Variants in ATP10B observed in about 807,000 individuals in gnomAD.
The protein encoded by ATP10B is phospholipid-transporting ATPase VB.
Under a neutral mutation model 141.2 loss-of-function variants are expected in ATP10B, and 122 were observed. The ratio of observed to expected loss-of-function variants is 0.86; its 90% CI spans 0.75 to 1.00. The LOEUF (loss-of-function observed/expected upper bound fraction) is 1.00. ATP10B is among the 50% of genes least tolerant of loss of function. The pLI, the probability that ATP10B is intolerant of heterozygous loss-of-function variation, is 0.00. For synonymous variants in ATP10B, 685 were observed against 692.0 expected, an observed-to-expected ratio of 0.99 and a Z score of 0.16; for missense variants, 1,876 against 1,825.3, an observed-to-expected ratio of 1.03 and a Z score of -0.51.
chr5:160,847,116 T>C (rs1036610711), intron 1 of ATP10B, among the ~76,000 whole-genome samples: 1 of 152,194 alleles, frequency 6.6e-6, no homozygotes, highest in Non-Finnish European at 1.5e-5. Flanking sequence ...AAGAGAGTAA[T>C]TTGAACTGTT....
chr5:160,644,344 C>T, intron 8 of ATP10B, 100 bp from the exon 9 acceptor site: 1 of 781,682 alleles, frequency 1.3e-6, no homozygotes, highest in Non-Finnish European at 2.3e-6. Context: ...AACATGATCC[C>T]TCTCCTCCCT....
intron 6 of ATP10B, among the ~76,000 whole-genome samples, chr5:160,679,040 G>A (rs1409321129): frequency 6.6e-6 from 1 of 152,200 alleles, no homozygotes; most frequent in Non-Finnish European, 1.5e-5. Context: ...ACTATTTAAA[G>A]ATGAAACACA....
chr5:160,759,233 A>G (rs1768854613), intron 2 of ATP10B, among the ~76,000 whole-genome samples: 1 of 152,172 alleles, frequency 6.6e-6, no homozygotes, highest in African/African-American at 2.4e-5. Flanking sequence ...ACCATTAAAT[A>G]TTTTGTATGC....
Position 160,835,901 on chromosome 5 carries a change from C to T in ATP10B, c.-576+16040G>A, listed in dbSNP as rs74878834. Among the ~76,000 whole-genome samples, 913 of 152,116 alleles carry T rather than the reference C, an allele frequency of 6.0e-3. 13 individuals carry two copies. The highest frequency in any genetic ancestry group is 0.021 in the African/African-American group (869 of 41,494). On this transcript the variant is annotated intron_variant, in intron 1 of 25. Coordinates refer to ENST00000327245, the MANE Select transcript of ATP10B (RefSeq NM_025153.3). ...TTGTTTATTTAATAAAATTTGTAAT[C>T]TTTTATAGGGCCCATTCTTCGAACT...
At chr5:160,607,748 T>C (rs1757476788) in intron 18 of ATP10B, among the ~76,000 whole-genome samples, 3 of 152,242 alleles carry the variant, frequency 2.0e-5, no homozygotes, top group Admixed American at 2.0e-4. Context: ...AATAAACTTA[T>C]TAATTTTTTT....
Position 160,634,544 on chromosome 5 carries a change from G to C in ATP10B, c.1191C>G (p.Phe397Leu). 1 of 1,614,180 alleles carries C rather than the reference G, an allele frequency of 6.2e-7. No individual in the cohort carries two copies. The highest frequency in any genetic ancestry group is 8.5e-7 in the Non-Finnish European group (1 of 1,180,014). ...IELVKLGQVF[F>L]LSNDLDLYDE... ...CATACAGGTCAAGGTCATTGCTCAA[G>C]AAGAACACTTGCCCGAGCTTCACCA... Residue 397 changes from phenylalanine to leucine, a missense_variant, in exon 12 of 26, where the codon TTC (phenylalanine) becomes TTG (leucine). Transcript: ENST00000327245.
At chr5:160,718,378 T>A (rs1241022776) in intron 2 of ATP10B, among the ~76,000 whole-genome samples, 3 of 152,228 alleles carry the variant, frequency 2.0e-5, no homozygotes, top group Non-Finnish European at 4.4e-5. Context: ...GTCAGACAAG[T>A]ATGGATTCCA....
chr5:160,727,809 A>G (rs1245332009), intron 2 of ATP10B, among the ~76,000 whole-genome samples: 1 of 152,198 alleles, frequency 6.6e-6, no homozygotes, highest in Admixed American at 6.5e-5. Flanking sequence ...TGTTACTAGC[A>G]TTATGCATTA....
Position 160,602,560 on chromosome 5 carries a change from C to T in ATP10B, c.3363+17G>A, listed in dbSNP as rs780470431. On this transcript the variant is annotated intron_variant, in intron 21 of 25. Coordinates refer to ENST00000327245, the MANE Select transcript of ATP10B (RefSeq NM_025153.3). Reference sequence around the variant, plus strand: ...CCTGCCAAAGCCCTGGGTGAGAGGACGCCATAGGCTACTTACCACGTTCTT... The same window carrying T: ...CCTGCCAAAGCCCTGGGTGAGAGGATGCCATAGGCTACTTACCACGTTCTT... 135 of 1,613,076 alleles carry T rather than the reference C, an allele frequency of 8.4e-5. No individual in the cohort carries two copies. Among genetic ancestry groups the T allele is most frequent in the Admixed American group, 7.0e-4 (42 of 59,990 alleles).
the ATP10B span, among the ~76,000 whole-genome samples, chr5:160,883,055 G>C: frequency 2.0e-5 from 3 of 152,140 alleles, no homozygotes; most frequent in Non-Finnish European, 4.4e-5. Context: ...ATCAAATATA[G>C]GAATGGGAAA....
chr5:160,662,309 T>C (rs1366956082), intron 7 of ATP10B, among the ~76,000 whole-genome samples: 1 of 152,160 alleles, frequency 6.6e-6, no homozygotes, highest in East Asian at 1.9e-4. Context: ...CAAGTTCATA[T>C]GGAACCAAAA....
chr5:160,855,407 T>C (rs1342834397), upstream of ATP10B, among the ~76,000 whole-genome samples: 3 of 152,048 alleles, frequency 2.0e-5, no homozygotes, highest in Non-Finnish European at 2.9e-5. Context: ...TATGTGCTTA[T>C]TTCTCAGTTA....
chr5:160,876,117 T>C, the ATP10B span, among the ~76,000 whole-genome samples: 3 of 62,292 alleles, frequency 4.8e-5, no homozygotes, highest in African/African-American at 1.1e-4. Context: ...TATTCCAAAA[T>C]TGACCACATA....
rs547231668 is a variant in ATP10B, at chr5:160,774,565, C to T, written c.-331+10994G>A. Among the ~76,000 whole-genome samples, 174 of 152,228 alleles carry T rather than the reference C, an allele frequency of 1.1e-3. 2 individuals carry two copies. The highest frequency in any genetic ancestry group is 2.0e-3 in the Non-Finnish European group (138 of 68,010). On this transcript the variant is annotated intron_variant, in intron 2 of 25. Coordinates refer to ENST00000327245, the MANE Select transcript of ATP10B (RefSeq NM_025153.3). ...CCAGATTTGGCTCTATTAACTGTGCCCCACTTCCTTGGCACAGTCTGGGAC... is the reference window on the plus strand; with the variant it reads ...CCAGATTTGGCTCTATTAACTGTGCTCCACTTCCTTGGCACAGTCTGGGAC...
intron 2 of ATP10B, among the ~76,000 whole-genome samples, chr5:160,750,924 T>C (rs1279592159): frequency 6.6e-6 from 1 of 152,088 alleles, no homozygotes; most frequent in East Asian, 1.9e-4. Context: ...TTTCACCTGC[T>C]CTCCCCTACA....
At chr5:160,663,100 C>T (rs1473824136) in intron 7 of ATP10B, among the ~76,000 whole-genome samples, 4 of 152,126 alleles carry the variant, frequency 2.6e-5, no homozygotes, top group African/African-American at 7.2e-5. Context: ...TACCATCTCA[C>T]ACCAGTTAGA....
At chr5:160,660,829 A>T (rs1218147988) in intron 7 of ATP10B, among the ~76,000 whole-genome samples, 1 of 152,204 alleles carries the variant, frequency 6.6e-6, no homozygotes, top group Non-Finnish European at 1.5e-5. Context: ...CCATGTTGTA[A>T]AAGTATAGCG....
chr5:160,686,978 A>G (rs1449977453), intron 5 of ATP10B: 1 of 985,272 alleles, frequency 1.0e-6, no homozygotes, highest in Non-Finnish European at 1.2e-6. Context: ...TTCCACGTGC[A>G]TCTTGCTCTC....
At chr5:160,746,642 T>A (rs1767826296) in intron 2 of ATP10B, among the ~76,000 whole-genome samples, 1 of 152,180 alleles carries the variant, frequency 6.6e-6, no homozygotes, top group Non-Finnish European at 1.5e-5. Context: ...TCCACCCGCC[T>A]CAGCCTCCCA....
Sources: gnomAD v4.1 joint callset for allele counts (sites outside exome capture counted in the v4.1 genomes callset) on GRCh38, gnomAD v4.1.1 for gene constraint, MANE v1.5 for transcripts, NCBI Gene and HGNC (gene_info 2026-07-23, HGNC 2026-07-21) for gene names.